The following EML1 variants were observed in gnomAD, a reference collection of about 807,000 sequenced individuals.
The protein encoded by EML1 is EMAP like 1, also known as echinoderm microtubule-associated protein-like 1.
Under a neutral mutation model 110.4 loss-of-function variants are expected in EML1, and 27 were observed. That is an observed-to-expected ratio of 0.24 (90% confidence interval 0.18 to 0.34). The LOEUF (loss-of-function observed/expected upper bound fraction) is 0.34, where lower values mean the gene tolerates loss of function less well. Ranked by LOEUF, EML1 falls within the 10% of genes least tolerant of loss-of-function variation. The pLI, the probability that EML1 is intolerant of heterozygous loss-of-function variation, is 1.00. For synonymous variants in EML1, 344 were observed against 385.8 expected (o/e 0.89, Z 1.27); for missense variants, 741 against 1,030.9 (o/e 0.72, Z 3.85).
intron 17 of EML1, among the ~76,000 whole-genome samples, chr14:99,927,986 G>T: frequency 6.7e-6 from 1 of 149,600 alleles, no homozygotes; most frequent in Non-Finnish European, 1.5e-5. Flanking sequence ...TGGTGGTGGT[G>T]GTGATGGTGG....
intron 13 of EML1, among the ~76,000 whole-genome samples, chr14:99,913,948 C>T (rs1371565428): frequency 6.6e-6 from 1 of 152,134 alleles, no homozygotes; most frequent in Non-Finnish European, 1.5e-5. Context: ...CTTCAGCCTC[C>T]CAACGTGCTG....
chr14:99,766,424 T>C (rs1247565643), intron 1 of EML1, among the ~76,000 whole-genome samples: 3 of 151,828 alleles, frequency 2.0e-5, no homozygotes, highest in Non-Finnish European at 4.4e-5. Flanking sequence ...GAACTCCTGA[T>C]CTTAGGGGAT....
At chr14:99,840,843 A>G (rs770267682) in intron 1 of EML1, among the ~76,000 whole-genome samples, 1 of 152,204 alleles carries the variant, frequency 6.6e-6, no homozygotes, top group Non-Finnish European at 1.5e-5. Flanking sequence ...GAAACACATC[A>G]TGTTACCGGA....
chr14:99,760,529 C>T (rs1390129192), intron 1 of EML1, among the ~76,000 whole-genome samples: 6 of 152,168 alleles, frequency 3.9e-5, no homozygotes, highest in African/African-American at 7.2e-5. Context: ...TCAAAGGAAA[C>T]GACTTTTAGA....
chr14:99,852,781 A>G lies in EML1; in HGVS notation c.250+1746A>G, dbSNP rs117850695. On this transcript the variant is annotated intron_variant, in intron 2 of 21. Coordinates refer to ENST00000262233, the MANE Select transcript of EML1 (RefSeq NM_004434.3). ...TCCACACATCTGTGGGAAGAAATCA[A>G]TTTCTTTGTCATCCCAGATGTTATC... 9.8e-4 allele frequency among the ~76,000 whole-genome samples: 149 copies of G among 152,270 alleles called. 2 individuals are homozygous for G. The East Asian group carries it at 0.026, about 27-fold the overall frequency.
At chr14:99,787,643 C>T (rs2057615809) in intron 1 of EML1, among the ~76,000 whole-genome samples, 2 of 152,164 alleles carry the variant, frequency 1.3e-5, no homozygotes, top group South Asian at 4.1e-4. Context: ...GTGCCACCAA[C>T]TGGAGGCCTG....
chr14:99,858,097 T>G lies in EML1; in HGVS notation c.250+7062T>G, dbSNP rs575510388. Reference sequence around the variant, plus strand: ...TCTGGACAGTAGATACAAAGTAGCATGCTCTCTTGTTCTGAACCTTGCTCT... The same window carrying G: ...TCTGGACAGTAGATACAAAGTAGCAGGCTCTCTTGTTCTGAACCTTGCTCT... On this transcript the variant is annotated intron_variant, in intron 2 of 21. Transcript: ENST00000262233. Among the ~76,000 whole-genome samples the G allele has an allele frequency of 4.3e-4, 65 of 152,300 alleles. 1 individual carries two copies. Among genetic ancestry groups the G allele is most frequent in the African/African-American group, 1.5e-3 (63 of 41,566 alleles).
chr14:99,855,361 C>T (rs1378007490), intron 2 of EML1, among the ~76,000 whole-genome samples: 2 of 152,146 alleles, frequency 1.3e-5, no homozygotes, highest in Non-Finnish European at 2.9e-5. Context: ...TAAAAAATCA[C>T]TTCTTTCTTT....
intron 4 of EML1, among the ~76,000 whole-genome samples, chr14:99,889,181 G>C (rs2059540033): frequency 3.9e-5 from 6 of 152,148 alleles, no homozygotes; most frequent in Admixed American, 3.9e-4. Flanking sequence ...GTGAGGTCTG[G>C]GGACCTGGAG....
chr14:99,782,704 A>C (rs1210324481), intron 1 of EML1, among the ~76,000 whole-genome samples: 1 of 152,094 alleles, frequency 6.6e-6, no homozygotes, highest in African/African-American at 2.4e-5. Flanking sequence ...CAAAAATATG[A>C]GCAAGAGTTA....
chr14:99,802,926 C>A (rs544416917), intron 1 of EML1, among the ~76,000 whole-genome samples: 28 of 152,240 alleles, frequency 1.8e-4, no homozygotes, highest in African/African-American at 6.7e-4. Context: ...AGCCCTCCCT[C>A]CCACTTTAGC....
chr14:99,830,266 G>A (rs2058427125), intron 1 of EML1, among the ~76,000 whole-genome samples: 1 of 152,116 alleles, frequency 6.6e-6, no homozygotes, highest in South Asian at 2.1e-4. Context: ...GTCTTTTCAT[G>A]TGCTTATTGG....
intron 1 of EML1, among the ~76,000 whole-genome samples, chr14:99,765,643 G>A (rs959200865): frequency 1.3e-5 from 2 of 151,752 alleles, no homozygotes; most frequent in African/African-American, 2.4e-5. Context: ...TGGCTCTTTC[G>A]CCCAGGCTGG....
rs549530765 is a variant in EML1, at chr14:99,775,175, G to A, written c.-27+1162G>A. ...AAAAGTTACAGGAGCCTTGAAATAG[G>A]CATGAGCCTATGTCTTCAAGTCAAA... On this transcript the variant is annotated intron_variant, in intron 1 of 22. Transcript: ENST00000327921. Among the ~76,000 whole-genome samples, 11 of 152,312 alleles carry A rather than the reference G, an allele frequency of 7.2e-5. 1 individual carries two copies. In the South Asian group the frequency reaches 2.1e-3, roughly 29 times the overall value.
chr14:99,760,656 T>C (rs1261379582), intron 1 of EML1, among the ~76,000 whole-genome samples: 2 of 152,146 alleles, frequency 1.3e-5, no homozygotes, highest in Non-Finnish European at 2.9e-5. Flanking sequence ...TGATTTTCCC[T>C]TTCTCCCTGA....
At chr14:99,899,146 G>A (rs1011404356) in intron 8 of EML1, among the ~76,000 whole-genome samples, 12 of 151,914 alleles carry the variant, frequency 7.9e-5, no homozygotes, top group Non-Finnish European at 1.0e-4. Flanking sequence ...TAGCTTTTTT[G>A]ATATCTACTT....
At chr14:99,763,179 T>C (rs7147075) in intron 1 of EML1, among the ~76,000 whole-genome samples, 49,860 of 152,040 alleles carry the variant, frequency 0.33, 9,491 homozygotes, top group African/African-American at 0.53. Context: ...TCTGCCATGA[T>C]TGTGAGGCCT....
chr14:99,935,965 T>G, intron 17 of EML1, 64 bp from the exon 18 acceptor site: 2 of 1,490,448 alleles, frequency 1.3e-6, no homozygotes, highest in Non-Finnish European at 1.9e-6. Flanking sequence ...GCTACCGTTA[T>G]CCTTTGTAAC....
In EML1 at chr14:99,827,381, G is replaced by C. The variant is rs1349348272; in HGVS notation, c.68-23472G>C. ...CTGGTATGAGTACTCGAAGTACCCC[G>C]GCAGAGTAGCGGCACCTAGTAGCCA... On this transcript the variant is annotated intron_variant, in intron 1 of 21. Coordinates refer to ENST00000262233, the MANE Select transcript of EML1 (RefSeq NM_004434.3). The surrounding 1 kb of genome is among the most constrained non-coding windows in gnomAD (Gnocchi z 4.4). Among the ~76,000 whole-genome samples, 3 of 152,046 alleles carry C rather than the reference G, an allele frequency of 2.0e-5. No individual in the cohort carries two copies. The highest frequency in any genetic ancestry group is 4.4e-5 in the Non-Finnish European group (3 of 68,006).
Sources: allele counts gnomAD v4.1 joint callset (sites outside exome capture counted in the v4.1 genomes callset), GRCh38; gene constraint gnomAD v4.1.1; non-coding constraint Gnocchi (gnomAD v3.1); transcripts MANE v1.5; gene names NCBI Gene and HGNC (gene_info 2026-07-23, HGNC 2026-07-21).